Variants in OR9Q1 observed in about 807,000 individuals in gnomAD.
OR9Q1 encodes the protein olfactory receptor 9Q1.
For synonymous variants in OR9Q1, 153 were observed against 148.6 expected (o/e 1.03, Z -0.22); for missense variants, 374 against 378.8 (o/e 0.99, Z 0.11).
At chr11:58,083,154 A>C (rs1404677956) in intron 2 of OR9Q1, among the ~76,000 whole-genome samples, 1 of 152,124 alleles carries the variant, frequency 6.6e-6, no homozygotes, top group Non-Finnish European at 1.5e-5. Flanking sequence ...TAAGTCTTAC[A>C]TTTAAGTCTT....
intron 2 of OR9Q1, among the ~76,000 whole-genome samples, chr11:58,143,859 CAAATA>C (rs910787004): frequency 2.0e-5 from 3 of 151,840 alleles, no homozygotes; most frequent in Non-Finnish European, 2.9e-5. Flanking sequence ...CAGAACTTAA[CAAATA>C]AAATAAAATA....
At chr11:58,070,314 C>A (rs1375209650) in intron 2 of OR9Q1, among the ~76,000 whole-genome samples, 2 of 151,994 alleles carry the variant, frequency 1.3e-5, no homozygotes, top group Admixed American at 6.6e-5. Flanking sequence ...CCATGTCTGG[C>A]TCCAGTATCA....
At chr11:58,058,034 T>C (rs1056619655) in intron 2 of OR9Q1, among the ~76,000 whole-genome samples, 10 of 152,226 alleles carry the variant, frequency 6.6e-5, no homozygotes, top group Non-Finnish European at 4.4e-5. Context: ...CTAAATTTGA[T>C]GCTCCTTTCA....
At chr11:58,106,801 C>T (rs752753428) in intron 2 of OR9Q1, among the ~76,000 whole-genome samples, 1 of 152,050 alleles carries the variant, frequency 6.6e-6, no homozygotes, top group Non-Finnish European at 1.5e-5. Context: ...ATCAGTTGAC[C>T]ATATATGTGA....
At chr11:58,106,102 A>G (rs879582745) in intron 2 of OR9Q1, among the ~76,000 whole-genome samples, 19 of 151,656 alleles carry the variant, frequency 1.3e-4, no homozygotes, top group Non-Finnish European at 2.5e-4. Flanking sequence ...ACCCCCTTGG[A>G]CACTGGAACA....
rs1472341096 is a variant in OR9Q1 at position 58,179,850 on chromosome 11, C to T, written c.406C>T (p.Leu136=). ...VCQPLLYVTI[L]TQQARLSLVA... ...CCAGCCCCTGCTTTATGTCACCATC[C>T]TGACACAGCAGGCCCGCTTGAGTCT... The change falls in exon 3 of 3, where the codon CTG becomes TTG. Residue 136 remains leucine, a synonymous_variant. Transcript: ENST00000335397. 1 of 1,614,172 alleles carries T rather than the reference C, an allele frequency of 6.2e-7. No individual in the cohort carries two copies. The highest frequency in any genetic ancestry group is 2.2e-5 in the East Asian group (1 of 44,874).
intron 2 of OR9Q1, among the ~76,000 whole-genome samples, chr11:58,150,609 T>A (rs536341082): frequency 3.9e-5 from 6 of 152,304 alleles, no homozygotes; most frequent in South Asian, 2.1e-4. Flanking sequence ...GTAAACATCC[T>A]AACATCACAG....
intron 2 of OR9Q1, among the ~76,000 whole-genome samples, chr11:58,152,505 G>A (rs1375347180): frequency 1.3e-5 from 2 of 152,070 alleles, no homozygotes; most frequent in Non-Finnish European, 2.9e-5. Flanking sequence ...GATTATTAAA[G>A]AACTTCAGAA....
At chr11:58,157,037 G>A (rs547219516) in intron 2 of OR9Q1, among the ~76,000 whole-genome samples, 1 of 152,226 alleles carries the variant, frequency 6.6e-6, no homozygotes, top group East Asian at 1.9e-4. Context: ...GTCTTAGATC[G>A]AAGACCAAAA....
At chr11:58,162,717 G>C (rs1258921263) in intron 2 of OR9Q1, among the ~76,000 whole-genome samples, 1 of 152,170 alleles carries the variant, frequency 6.6e-6, no homozygotes, top group Non-Finnish European at 1.5e-5. Context: ...CTATATGCCA[G>C]GTGAGAGACT....
rs140492317 is a variant in OR9Q1 at position 58,118,489 on chromosome 11, C to A, written c.-14-60942C>A. ...AAAGTGGACTAAAACAAGAATTCCT[C>A]TTACTTAGATCTACATGCTCAGGGA... On this transcript the variant is annotated intron_variant, in intron 2 of 2. Transcript: ENST00000335397. 8,865 of 1,546,170 alleles carry A rather than the reference C, an allele frequency of 5.7e-3. 35 individuals carry two copies. Among genetic ancestry groups the A allele is most frequent in the Non-Finnish European group, 6.8e-3 (7,712 of 1,141,302 alleles).
chr11:58,119,387 G>A (rs1198291064), intron 2 of OR9Q1: 2 of 1,613,742 alleles, frequency 1.2e-6, no homozygotes, highest in Non-Finnish European at 1.7e-6. Flanking sequence ...AATTTGGGGT[G>A]GTCCATAAAG....
At chr11:58,059,118 C>G (rs1123306) in intron 2 of OR9Q1, among the ~76,000 whole-genome samples, 3 of 151,916 alleles carry the variant, frequency 2.0e-5, no homozygotes, top group Non-Finnish European at 2.9e-5. Flanking sequence ...CCAGGTCCTT[C>G]GAAAGCCTGT....
At chr11:58,032,633 A>G (rs1049217661) in intron 1 of OR9Q1, among the ~76,000 whole-genome samples, 5 of 152,234 alleles carry the variant, frequency 3.3e-5, no homozygotes, top group African/African-American at 7.2e-5. Flanking sequence ...AAAGACTTAA[A>G]TATAAGACCT....
intron 2 of OR9Q1, among the ~76,000 whole-genome samples, chr11:58,175,671 T>G (rs11229268): frequency 0.16 from 23,937 of 151,364 alleles, 2,646 homozygotes; most frequent in East Asian, 0.54. Flanking sequence ...GGCATTGTGG[T>G]TTTTTTTTGT....
chr11:58,114,169 C>G (rs575781398), intron 2 of OR9Q1, among the ~76,000 whole-genome samples: 1 of 152,252 alleles, frequency 6.6e-6, no homozygotes, highest in Non-Finnish European at 1.5e-5. Flanking sequence ...AAATTCAGAG[C>G]CTTGGACCTC....
At chr11:58,100,153 G>A (rs1853770273) in intron 2 of OR9Q1, among the ~76,000 whole-genome samples, 1 of 152,182 alleles carries the variant, frequency 6.6e-6, no homozygotes, top group Non-Finnish European at 1.5e-5. Context: ...AGTGAGAGCA[G>A]AAGCTGTAAG....
At chr11:58,105,079 GA>G (rs554559776) in intron 2 of OR9Q1, among the ~76,000 whole-genome samples, 3 of 129,914 alleles carry the variant, frequency 2.3e-5, no homozygotes, top group East Asian at 4.0e-4. Context: ...TGAGAAGGTA[GA>G]TTTTTTTTTT....
chr11:58,154,429 A>C (rs1854386420), intron 2 of OR9Q1, among the ~76,000 whole-genome samples: 1 of 150,450 alleles, frequency 6.6e-6, no homozygotes, highest in South Asian at 2.1e-4. Flanking sequence ...TTGAAAAGGA[A>C]TGGGAATTGT....
Sources: allele counts gnomAD v4.1 joint callset (sites outside exome capture counted in the v4.1 genomes callset), GRCh38; gene constraint gnomAD v4.1.1; transcripts MANE v1.5; gene names NCBI Gene and HGNC (gene_info 2026-07-23, HGNC 2026-07-21).